The following KLRG1 variants were observed in gnomAD, a reference collection of about 807,000 sequenced individuals.
KLRG1 encodes the protein killer cell lectin like receptor G1.
Under a neutral mutation model 21.8 loss-of-function variants are expected in KLRG1, and 16 were observed. The ratio of observed to expected loss-of-function variants is 0.73; its 90% CI spans 0.50 to 1.11. The LOEUF is 1.11. Among genes scored for constraint, KLRG1 ranks in the 50% most tolerant of loss-of-function variants. The pLI, the probability that KLRG1 is intolerant of heterozygous loss-of-function variation, is 0.00. For synonymous variants in KLRG1, 69 were observed against 75.9 expected (o/e 0.91, Z 0.47); for missense variants, 173 against 218.3 (o/e 0.79, Z 1.31).
At chr12:9,030,664 C>T in the KLRG1 span, among the ~76,000 whole-genome samples, 1 of 152,186 alleles carries the variant, frequency 6.6e-6, no homozygotes, top group African/African-American at 2.4e-5. Flanking sequence ...CCTCGGCCTC[C>T]CAAAGTGCTG....
chr12:9,176,994 G>A, the KLRG1 span, among the ~76,000 whole-genome samples: 67 of 152,288 alleles, frequency 4.4e-4, 2 homozygotes, highest in South Asian at 8.9e-3. Context: ...AGAGAGGATC[G>A]AGTATATTTT....
the KLRG1 span, among the ~76,000 whole-genome samples, chr12:9,195,348 A>G: frequency 1.3e-5 from 2 of 152,146 alleles, no homozygotes; most frequent in Non-Finnish European, 2.9e-5. Flanking sequence ...CTAAGAAAAT[A>G]CACATGAGAA....
chr12:8,954,273 C>T (rs1051830174), intron 1 of KLRG1, among the ~76,000 whole-genome samples: 6 of 151,406 alleles, frequency 4.0e-5, no homozygotes, highest in African/African-American at 1.5e-4. Context: ...TTACCAGGGG[C>T]GGGGTAGGGG....
At chr12:9,074,613 C>T in the KLRG1 span, 7 of 1,613,662 alleles carry the variant, frequency 4.3e-6, no homozygotes, top group African/African-American at 1.3e-5. Context: ...ATCCACTTCA[C>T]GATGTTGGTT....
upstream of KLRG1, among the ~76,000 whole-genome samples, chr12:8,988,901 C>G (rs1946892220): frequency 6.6e-6 from 1 of 152,080 alleles, no homozygotes; most frequent in Admixed American, 6.6e-5. Context: ...TTTTTATTAA[C>G]TTTTCACCTA....
the KLRG1 span, among the ~76,000 whole-genome samples, chr12:9,195,611 A>ATTTTTTT: frequency 3.8e-5 from 4 of 104,244 alleles, no homozygotes; most frequent in African/African-American, 7.3e-5. Context: ...CCCACTGCTA[A>ATTTTTTT]TTTTTTTTTT....
chr12:9,202,188 G>T, the KLRG1 span: 1 of 794,898 alleles, frequency 1.3e-6, no homozygotes, highest in Non-Finnish European at 2.0e-6. Context: ...CTGCAAATCT[G>T]TGCTGAGGCT....
the KLRG1 span, among the ~76,000 whole-genome samples, chr12:9,212,852 G>A: frequency 1.3e-5 from 2 of 152,068 alleles, no homozygotes; most frequent in Non-Finnish European, 2.9e-5. Context: ...TTCAGTGGCT[G>A]TTAGTATGCT....
At chr12:9,182,132 G>GAGTGAGACAAAATGGTCGTA in the KLRG1 span, 3 of 1,554,332 alleles carry the variant, frequency 1.9e-6, no homozygotes, top group Non-Finnish European at 2.6e-6. Context: ...AACATGGAGA[G>GAGTGAGACAAAATGGTCGTA]AGTGAGACAA....
At chr12:9,077,497 T>A in the KLRG1 span, 1 of 1,488,210 alleles carries the variant, frequency 6.7e-7, no homozygotes, top group Non-Finnish European at 9.2e-7. Context: ...TTCTGCTGTG[T>A]CATGGAATTC....
the KLRG1 span, chr12:9,091,231 C>T: frequency 2.7e-5 from 44 of 1,614,100 alleles, no homozygotes; most frequent in African/African-American, 5.5e-4. Flanking sequence ...AGTTTAGGAC[C>T]GTGGCCTTGA....
the KLRG1 span, among the ~76,000 whole-genome samples, chr12:9,094,223 CT>C: frequency 6.6e-6 from 1 of 151,592 alleles, no homozygotes; most frequent in South Asian, 2.1e-4. Flanking sequence ...ATAATAAAGA[CT>C]TTTTATTCTC....
At chr12:9,193,940 T>C in the KLRG1 span, 2 of 844,138 alleles carry the variant, frequency 2.4e-6, no homozygotes, top group Middle Eastern at 7.7e-4. Flanking sequence ...TGAAATTCTA[T>C]TATCCTCAAA....
At chr12:9,095,049 A>T in the KLRG1 span, 1 of 1,595,532 alleles carries the variant, frequency 6.3e-7, no homozygotes, top group South Asian at 1.2e-5. Context: ...TGGGTTTACG[A>T]ATCTTTGAGT....
chr12:9,181,374 G>GT, the KLRG1 span, among the ~76,000 whole-genome samples: 32 of 152,266 alleles, frequency 2.1e-4, no homozygotes, highest in African/African-American at 7.7e-4. Flanking sequence ...CTGTTAAAAG[G>GT]TACATGACTT....
At chr12:8,964,865 C>CT (rs1244618387) in intron 1 of KLRG1, among the ~76,000 whole-genome samples, 2 of 151,420 alleles carry the variant, frequency 1.3e-5, no homozygotes, top group Admixed American at 1.3e-4. Context: ...CAACCCCTGC[C>CT]TTTTTTTGTT....
the KLRG1 span, chr12:9,115,826 A>T: frequency 1.2e-6 from 2 of 1,613,328 alleles, no homozygotes; most frequent in East Asian, 4.5e-5. Context: ...CCAGACTTGG[A>T]TGAAGGAGTT....
the KLRG1 span, among the ~76,000 whole-genome samples, chr12:9,141,267 A>G: frequency 6.6e-6 from 1 of 152,214 alleles, no homozygotes; most frequent in African/African-American, 2.4e-5. Flanking sequence ...AAAGAAAGCC[A>G]AACACCATTT....
chr12:9,182,223 G>C, the KLRG1 span: 6 of 1,086,178 alleles, frequency 5.5e-6, no homozygotes, highest in Non-Finnish European at 7.5e-6. Context: ...CTTGAGAACT[G>C]CGTCCATTCA....
Sources: gnomAD v4.1 joint callset for allele counts (sites outside exome capture counted in the v4.1 genomes callset) on GRCh38, gnomAD v4.1.1 for gene constraint, MANE v1.5 for transcripts, NCBI Gene and HGNC (gene_info 2026-07-23, HGNC 2026-07-21) for gene names.